The following SPART variants were observed in gnomAD, a reference collection of about 807,000 sequenced individuals.
SPART encodes spastic paraplegia 20 (Troyer syndrome).
A neutral mutation model predicts 58.7 loss-of-function variants in SPART; 35 were observed. The observed-to-expected ratio is 0.60, with a 90% confidence interval of 0.46 to 0.79. SPART has a LOEUF of 0.79. Ranked by LOEUF, SPART falls within the 30% of genes least tolerant of loss-of-function variation. The pLI is 0.00. For missense variants in SPART, 730 were observed against 786.1 expected (o/e 0.93, Z 0.85); for synonymous variants, 284 against 280.7 (o/e 1.01, Z -0.12).
intron 8 of SPART, among the ~76,000 whole-genome samples, chr13:36,306,878 G>A (rs919095961): frequency 1.3e-5 from 2 of 152,124 alleles, no homozygotes; most frequent in Admixed American, 6.5e-5. Context: ...TCAAAAAAAC[G>A]ATGTATATGT....
At chr13:36,338,966 C>G (rs9547346) in intron 1 of SPART, among the ~76,000 whole-genome samples, 26 of 151,936 alleles carry the variant, frequency 1.7e-4, no homozygotes, top group Non-Finnish European at 3.4e-4. Flanking sequence ...TTCACTCACA[C>G]GCACACACTC....
Position 36,319,529 on chromosome 13 carries a change from C to A in SPART, c.1289-5108G>T, listed in dbSNP as rs977200728. Reference sequence around the variant, plus strand: ...AAGCCTATAAACTCTCCTTAAAATTCCCCCATTTTACCTGTCCTGAAACCA... The same window carrying A: ...AAGCCTATAAACTCTCCTTAAAATTACCCCATTTTACCTGTCCTGAAACCA... On this transcript the variant is annotated intron_variant, in intron 5 of 8. Coordinates refer to ENST00000438666, the MANE Select transcript of SPART (RefSeq NM_015087.5). Among the ~76,000 whole-genome samples, 7 of 151,922 alleles carry A rather than the reference C, an allele frequency of 4.6e-5. No individual in the cohort carries two copies. The South Asian group carries it at 6.2e-4, about 14-fold the overall frequency.
intron 1 of SPART, among the ~76,000 whole-genome samples, chr13:36,361,521 C>A (rs1368615077): frequency 1.3e-5 from 2 of 152,138 alleles, no homozygotes; most frequent in Non-Finnish European, 2.9e-5. Context: ...TGTCCCGCCT[C>A]AGCCTCCTGA....
At position 36,303,486 on chromosome 13, in the gene SPART, C is replaced by T. The variant is rs1161606678; in HGVS notation, c.*879G>A. On this transcript the variant is annotated 3_prime_UTR_variant, in exon 9 of 9. Coordinates refer to ENST00000438666, the MANE Select transcript of SPART (RefSeq NM_015087.5). The stretch of plus-strand genomic sequence containing the variant: ...AATAACTTGTCTTTTAATATAAATT[C>T]CAATGACCGAATCCCAGAATAAAAA... 6.6e-6 allele frequency: 1 copy of T among 151,962 alleles called. No individual in the cohort carries two copies. The highest frequency in any genetic ancestry group is 1.5e-5 in the Non-Finnish European group (1 of 67,968). The allele number at this position is 151,962 out of a possible 1,614,324, so 9.4% of individuals were successfully genotyped here. A position where few individuals can be genotyped will look rare whatever the true frequency, so the allele number is the denominator to read the frequency against.
intron 1 of SPART, among the ~76,000 whole-genome samples, chr13:36,341,383 T>C (rs866408809): frequency 7.2e-5 from 11 of 152,312 alleles, no homozygotes; most frequent in South Asian, 4.1e-4. Flanking sequence ...ATATCAAAAA[T>C]ATTATTTCAA....
chr13:36,310,600 T>C (rs1233957542), intron 8 of SPART, among the ~76,000 whole-genome samples: 1 of 152,200 alleles, frequency 6.6e-6, no homozygotes, highest in Admixed American at 6.5e-5. Context: ...TGCGGTTGTC[T>C]GCAATACAGT....
At chr13:36,319,330 A>C (rs1448141865) in intron 5 of SPART, among the ~76,000 whole-genome samples, 2 of 140,848 alleles carry the variant, frequency 1.4e-5, no homozygotes, top group Non-Finnish European at 3.1e-5. Context: ...CCCCCACCTT[A>C]ACCCACAAGT....
intron 2 of SPART, among the ~76,000 whole-genome samples, chr13:36,332,311 A>C (rs1055761606): frequency 3.9e-5 from 6 of 152,186 alleles, no homozygotes; most frequent in Non-Finnish European, 7.3e-5. Context: ...TGCCTGGACA[A>C]CATGGTGAAA....
chr13:36,331,539 C>G lies in SPART; in HGVS notation c.868G>C (p.Ala290Pro), dbSNP rs758463635. ...GTATCAGGAAACATGTAGGCTCCCG[C>G]AGTACATTTCAGAACCGGAGATCTA... ...PDRSPVLKCT[A>P]GAYMFPDTML... Residue 290 changes from alanine to proline, a missense_variant, in exon 3 of 9, where the codon GCG becomes CCG. Physicochemically the swap from Ala to Pro is conservative, Grantham distance 27. Transcript: ENST00000438666. 1 of 1,613,854 alleles carries G rather than the reference C, an allele frequency of 6.2e-7. No homozygotes were observed. The highest frequency in any genetic ancestry group is 8.5e-7 in the Non-Finnish European group (1 of 1,179,980).
intron 1 of SPART, among the ~76,000 whole-genome samples, chr13:36,353,864 G>A (rs1885516480): frequency 6.6e-6 from 1 of 152,174 alleles, no homozygotes; most frequent in African/African-American, 2.4e-5. Context: ...GGTCTTGTCT[G>A]ACATGCATGT....
intron 1 of SPART, among the ~76,000 whole-genome samples, chr13:36,352,036 C>G (rs539271335): frequency 6.6e-6 from 1 of 152,070 alleles, no homozygotes; most frequent in African/African-American, 2.4e-5. Context: ...ATGTTGAAAT[C>G]AGTGGGATGA....
rs570104696 is a variant in SPART at position 36,363,223 on chromosome 13, A to G, written c.-3+6866T>C. On this transcript the variant is annotated intron_variant, in intron 1 of 8. Coordinates refer to the SPART transcript ENST00000355182. ...GTAATGATTCTTTTTTCTGAAAACA[A>G]TAACAACCAAAATGATTTCTAGTTG... is the stretch of plus-strand genomic sequence containing the variant. Among the ~76,000 whole-genome samples the G allele has an allele frequency of 3.9e-5, 6 of 152,370 alleles. No individual in the cohort carries two copies. In the South Asian group the frequency reaches 1.0e-3, roughly 26 times the overall value.
chr13:36,330,613 G>A (rs1405103904), intron 3 of SPART, among the ~76,000 whole-genome samples: 1 of 152,058 alleles, frequency 6.6e-6, no homozygotes, highest in Non-Finnish European at 1.5e-5. Flanking sequence ...CCTGATGACT[G>A]TCAATATTCA....
chr13:36,344,331 A>C (rs967839795), intron 1 of SPART, among the ~76,000 whole-genome samples: 3 of 152,220 alleles, frequency 2.0e-5, no homozygotes, highest in African/African-American at 7.2e-5. Flanking sequence ...AGATTTCCTA[A>C]TAATGTGTCA....
intron 1 of SPART, among the ~76,000 whole-genome samples, chr13:36,359,648 T>C (rs955115256): frequency 6.6e-6 from 1 of 152,108 alleles, no homozygotes; most frequent in African/African-American, 2.4e-5. Flanking sequence ...TTAAATAAAA[T>C]AACGTATGCA....
intron 5 of SPART, among the ~76,000 whole-genome samples, chr13:36,315,989 TA>T (rs1259987195): frequency 1.3e-5 from 2 of 152,222 alleles, no homozygotes. Flanking sequence ...ATAAATATGT[TA>T]AAACTGTAAA....
chr13:36,313,520 G>T (rs1159721353), intron 6 of SPART, among the ~76,000 whole-genome samples: 1 of 152,196 alleles, frequency 6.6e-6, no homozygotes, highest in Non-Finnish European at 1.5e-5. Context: ...CTCACTCAGA[G>T]CAACTTCCAG....
chr13:36,347,393 A>G (rs1485939456), upstream of SPART, among the ~76,000 whole-genome samples: 1 of 151,994 alleles, frequency 6.6e-6, no homozygotes, highest in African/African-American at 2.4e-5. Context: ...TAATTTTTGT[A>G]TTTTTAGTAG....
chr13:36,318,938 G>A (rs1882037967), intron 5 of SPART, among the ~76,000 whole-genome samples: 1 of 152,036 alleles, frequency 6.6e-6, no homozygotes. Flanking sequence ...CGATCGCCTC[G>A]GAAGCCCCCT....
Sources: gnomAD v4.1 joint callset for allele counts (sites outside exome capture counted in the v4.1 genomes callset) on GRCh38, gnomAD v4.1.1 for gene constraint, MANE v1.5 for transcripts, NCBI Gene and HGNC (gene_info 2026-07-23, HGNC 2026-07-21) for gene names.